The following FRYL variants were observed in gnomAD, a reference collection of about 807,000 sequenced individuals.
FRYL encodes the protein protein furry homolog-like.
In FRYL, 150 loss-of-function variants were observed where a neutral mutation model predicts 351.2. The ratio of observed to expected loss-of-function variants is 0.43; its 90% confidence interval spans 0.37 to 0.49. The LOEUF is 0.49. Ranked by LOEUF, FRYL falls within the 20% of genes least tolerant of loss-of-function variation. The pLI, the probability that FRYL is intolerant of heterozygous loss-of-function variation, is 0.00. For synonymous variants in FRYL, 1,153 were observed against 1,257.1 expected (o/e 0.92, Z 1.75); for missense variants, 3,036 against 3,619.3 (o/e 0.84, Z 4.13).
intron 44 of FRYL, among the ~76,000 whole-genome samples, chr4:48,542,931 C>G (rs1163346074): frequency 6.6e-6 from 1 of 152,144 alleles, no homozygotes; most frequent in Non-Finnish European, 1.5e-5. Flanking sequence ...CTCAAAATGT[C>G]TGAGTAGTTT....
At chr4:48,717,146 T>C (rs1286889439) in intron 1 of FRYL, among the ~76,000 whole-genome samples, 6 of 133,326 alleles carry the variant, frequency 4.5e-5, no homozygotes, top group South Asian at 2.9e-4. Flanking sequence ...GGGGGAGGGA[T>C]AGCACTGGAA....
chr4:48,705,385 C>A (rs1248926006), intron 2 of FRYL, among the ~76,000 whole-genome samples: 4 of 150,586 alleles, frequency 2.7e-5, no homozygotes, highest in African/African-American at 9.8e-5. Flanking sequence ...TAAACTATGG[C>A]ACATTCACCC....
Position 48,565,032 on chromosome 4 carries a change from A to G in FRYL, c.3342T>C (p.Ala1114=), listed in dbSNP as rs1366565528. 5.8e-6 allele frequency: 9 copies of G among 1,548,172 alleles called. No homozygotes were observed. Among genetic ancestry groups the G allele is most frequent in the Non-Finnish European group, 7.9e-6 (9 of 1,137,704 alleles). ...CTGCAACAGGGCCACAACACAGTAC[A>G]GCAGACATAGCCTTCAAATAATAAT... ...HQYCALKAMS[A]VLCCGPVADN... is the part of the protein sequence containing the mutation. The change falls in exon 30 of 64, where the codon GCT becomes GCC. Residue 1114 remains alanine (A), a synonymous_variant. Coordinates refer to ENST00000358350, the MANE Select transcript of FRYL (RefSeq NM_015030.2).
At chr4:48,654,229 A>C (rs1395118311) in intron 3 of FRYL, among the ~76,000 whole-genome samples, 1 of 151,836 alleles carries the variant, frequency 6.6e-6, no homozygotes, top group African/African-American at 2.4e-5. Context: ...GAGCCTTAGA[A>C]ATTTTTTAAA....
At chr4:48,511,145 T>C (rs1200817199) in intron 57 of FRYL, among the ~76,000 whole-genome samples, 161 bp from the exon 58 acceptor site, 1 of 152,198 alleles carries the variant, frequency 6.6e-6, no homozygotes, top group Non-Finnish European at 1.5e-5. Context: ...GGTATTTCCT[T>C]AGAAAACATT....
chr4:48,703,481 C>T (rs1271684105), intron 2 of FRYL, among the ~76,000 whole-genome samples: 1 of 152,138 alleles, frequency 6.6e-6, no homozygotes, highest in African/African-American at 2.4e-5. Flanking sequence ...CCCCTCAATC[C>T]CTTCTCCCTG....
Position 48,522,150 on chromosome 4 carries a change from A to G in FRYL, c.7521+751T>C, listed in dbSNP as rs200425590. 2.6e-5 allele frequency among the ~76,000 whole-genome samples: 4 copies of G among 152,256 alleles called. No homozygotes were observed. The East Asian group carries it at 7.7e-4, about 29-fold the overall frequency. ...AAAAAATTAGCTGTGCATATGTGGC[A>G]TGCACCTGTAGTCCTAGCTGCTTGA... On this transcript the variant is annotated intron_variant, in intron 54 of 63. Coordinates refer to ENST00000358350, the MANE Select transcript of FRYL (RefSeq NM_015030.2).
intron 19 of FRYL, among the ~76,000 whole-genome samples, chr4:48,585,534 T>C (rs1470193311): frequency 6.6e-6 from 1 of 152,252 alleles, no homozygotes; most frequent in African/African-American, 2.4e-5. Context: ...TGCTCTGCTA[T>C]AGTCATTGTA....
chr4:48,551,618 C>G, intron 36 of FRYL, 40 bp from the exon 37 acceptor site: 1 of 1,202,654 alleles, frequency 8.3e-7, no homozygotes, highest in Non-Finnish European at 1.2e-6. Flanking sequence ...AATCTACAAA[C>G]CTGGAATAAC....
chr4:48,723,929 A>G (rs1336872575), intron 1 of FRYL, among the ~76,000 whole-genome samples: 1 of 134,226 alleles, frequency 7.5e-6, no homozygotes. Flanking sequence ...CTACAAAAAA[A>G]AAAATAAATA....
At chr4:48,702,405 G>A (rs1329457950) in intron 2 of FRYL, among the ~76,000 whole-genome samples, 2 of 133,514 alleles carry the variant, frequency 1.5e-5, no homozygotes, top group South Asian at 2.6e-4. Context: ...GCAGTGAGTC[G>A]AGAATGTGCC....
chr4:48,672,044 T>G (rs1762847054), intron 3 of FRYL, among the ~76,000 whole-genome samples: 1 of 152,172 alleles, frequency 6.6e-6, no homozygotes, highest in Non-Finnish European at 1.5e-5. Flanking sequence ...GTTAAATTTG[T>G]AATTAAATTG....
chr4:48,664,922 G>T (rs948120888), intron 3 of FRYL, among the ~76,000 whole-genome samples: 1 of 152,110 alleles, frequency 6.6e-6, no homozygotes, highest in African/African-American at 2.4e-5. Flanking sequence ...AAGGTTTCAG[G>T]TCATGTCCAA....
chr4:48,673,929 G>A (rs1249537575), intron 3 of FRYL, among the ~76,000 whole-genome samples: 7 of 152,190 alleles, frequency 4.6e-5, no homozygotes, highest in Non-Finnish European at 1.0e-4. Flanking sequence ...GATCACTTCA[G>A]TTATTGGTAA....
rs553834541 is a variant in FRYL, at chr4:48,742,249, C to T, written c.-383-31551G>A. Reference sequence around the variant, plus strand: ...ATGTTGTGCACCTTTTAAAGTCTGACGTTAATTTTTAGTAGCATGAAGTTT... The same window carrying T: ...ATGTTGTGCACCTTTTAAAGTCTGATGTTAATTTTTAGTAGCATGAAGTTT... On this transcript the variant is annotated intron_variant, in intron 1 of 63. Coordinates refer to ENST00000358350, the MANE Select transcript of FRYL (RefSeq NM_015030.2). Among the ~76,000 whole-genome samples, 14 of 152,220 alleles carry T rather than the reference C, an allele frequency of 9.2e-5. No homozygotes were observed. The South Asian group carries it at 2.5e-3, about 27-fold the overall frequency.
chr4:48,634,528 A>G (rs1560759446), intron 3 of FRYL, 38 bp from the exon 4 acceptor site: 2 of 1,534,882 alleles, frequency 1.3e-6, no homozygotes, highest in Non-Finnish European at 1.8e-6. Flanking sequence ...TACTTTAATA[A>G]ATCAACTCAA....
At chr4:48,776,351 T>C (rs1422178172) in intron 1 of FRYL, among the ~76,000 whole-genome samples, 1 of 152,110 alleles carries the variant, frequency 6.6e-6, no homozygotes, top group Middle Eastern at 3.2e-3. Context: ...ATGTGAAACT[T>C]TGATAAGCAA....
At chr4:48,612,306 A>G (rs1253876334) in intron 7 of FRYL, among the ~76,000 whole-genome samples, 1 of 152,112 alleles carries the variant, frequency 6.6e-6, no homozygotes. Context: ...GTGCATTCGT[A>G]ATAAACCTTT....
At chr4:48,499,784 CATG>C (rs1327713193) in intron 63 of FRYL, 104 bp from the exon 64 acceptor site, 2 of 1,106,624 alleles carry the variant, frequency 1.8e-6, no homozygotes, top group African/African-American at 1.6e-5. Context: ...TTGTGAATAA[CATG>C]ATCTGTTTTA....
Sources: allele counts gnomAD v4.1 joint callset (sites outside exome capture counted in the v4.1 genomes callset), GRCh38; gene constraint gnomAD v4.1.1; transcripts MANE v1.5; gene names NCBI Gene and HGNC (gene_info 2026-07-23, HGNC 2026-07-21).